The following FAM216A variants were observed in gnomAD, a reference collection of about 807,000 sequenced individuals.
The protein encoded by FAM216A is protein FAM216A.
Under a neutral mutation model 37.6 loss-of-function variants are expected in FAM216A, and 26 were observed. The ratio of observed to expected loss-of-function variants is 0.69; its 90% confidence interval spans 0.51 to 0.96. The LOEUF (loss-of-function observed/expected upper bound fraction) is 0.96. Ranked by LOEUF, FAM216A falls within the 40% of genes least tolerant of loss-of-function variation. The pLI is 0.00. For synonymous variants in FAM216A, 110 were observed against 121.7 expected, an observed-to-expected ratio of 0.90 and a Z score of 0.64; for missense variants, 326 against 339.3, an observed-to-expected ratio of 0.96 and a Z score of 0.31.
chr12:110,472,034 C>A lies in FAM216A; in HGVS notation c.144-1044C>A, dbSNP rs186560461. On this transcript the variant is annotated intron_variant, in intron 1 of 6. Transcript: ENST00000377673. ...ATCAGTTGAGGTCAGGAGTTTGAGA[C>A]CGGCCTGGCCAACATGGCGAAACCT... Among the ~76,000 whole-genome samples, 1,041 of 151,970 alleles carry A rather than the reference C, an allele frequency of 6.9e-3. 1 individual carries two copies. The highest frequency in any genetic ancestry group is 9.4e-3 in the Non-Finnish European group (636 of 67,946).
Position 110,485,201 on chromosome 12 carries a change from T to A in FAM216A, c.306+2T>A, listed in dbSNP as rs1234023879. The A allele has an allele frequency of 4.4e-6, 7 of 1,603,646 alleles. No homozygotes were observed. The highest frequency in any genetic ancestry group is 5.9e-6 in the Non-Finnish European group (7 of 1,177,230). ...ATGATGGAGGCGTCCTTTTTCAAGG[T>A]ATGCTAACAGGGACATATTTAAATA... On this transcript the variant is annotated splice_donor_variant, in intron 3 of 6. Coordinates refer to ENST00000377673, the MANE Select transcript of FAM216A (RefSeq NM_013300.3). LOFTEE classifies it high-confidence loss of function.
chr12:110,470,569 C>T (rs2062680412), intron 1 of FAM216A, among the ~76,000 whole-genome samples: 1 of 151,750 alleles, frequency 6.6e-6, no homozygotes, highest in African/African-American at 2.4e-5. Context: ...CCTCCGCCTC[C>T]TGTGTTCAAG....
chr12:110,471,819 A>G (rs1356579678), intron 1 of FAM216A, among the ~76,000 whole-genome samples: 1 of 152,226 alleles, frequency 6.6e-6, no homozygotes, highest in Non-Finnish European at 1.5e-5. Flanking sequence ...CATTGAATAA[A>G]TTGCAGGATG....
intron 1 of FAM216A, among the ~76,000 whole-genome samples, chr12:110,469,741 C>A (rs539633873): frequency 6.6e-6 from 1 of 152,076 alleles, no homozygotes; most frequent in African/African-American, 2.4e-5. Flanking sequence ...AACCCCTGAC[C>A]TCAAGTGAGC....
At chr12:110,486,932 ATTGT>A (rs2062780777) in intron 5 of FAM216A, 6 of 510,004 alleles carry the variant, frequency 1.2e-5, no homozygotes, top group Admixed American at 3.6e-5. Context: ...GTTAAAAAAA[ATTGT>A]TTGTACAGAA....
At chr12:110,487,526 A>G in intron 5 of FAM216A, 1 of 213,260 alleles carries the variant, frequency 4.7e-6, no homozygotes, top group Non-Finnish European at 9.2e-6. Flanking sequence ...AAATTTCTTT[A>G]TCAGATAGAG....
At chr12:110,486,008 G>A (rs573602424) in intron 3 of FAM216A, among the ~76,000 whole-genome samples, 1 of 152,286 alleles carries the variant, frequency 6.6e-6, no homozygotes, top group East Asian at 1.9e-4. Context: ...TTTTGAGAAG[G>A]CAAGATGCCC....
chr12:110,481,389 G>A (rs981750736), intron 2 of FAM216A, among the ~76,000 whole-genome samples: 1 of 152,176 alleles, frequency 6.6e-6, no homozygotes, highest in Non-Finnish European at 1.5e-5. Flanking sequence ...CTGTCACCCA[G>A]GCTGGAGTGC....
At chr12:110,479,571 G>A (rs930441984) in intron 2 of FAM216A, among the ~76,000 whole-genome samples, 1 of 151,900 alleles carries the variant, frequency 6.6e-6, no homozygotes, top group Non-Finnish European at 1.5e-5. Flanking sequence ...GGGCGCAGTG[G>A]CTCACGCCTG....
chr12:110,486,525 G>A lies in FAM216A; in HGVS notation c.437-9G>A, dbSNP rs751023801. The A allele has an allele frequency of 6.2e-7, 1 of 1,610,450 alleles. No individual in the cohort carries two copies. The highest frequency in any genetic ancestry group is 1.3e-5 in the African/African-American group (1 of 74,816). Reference sequence around the variant, plus strand: ...GAGAGGGTCTTTTAACAGGTGATTTGTATCACAGGTGTCCTCACTCATCAC... The same window carrying A: ...GAGAGGGTCTTTTAACAGGTGATTTATATCACAGGTGTCCTCACTCATCAC... On this transcript the variant is annotated splice_polypyrimidine_tract_variant and intron_variant, in intron 4 of 6. Transcript: ENST00000377673.
At chr12:110,479,014 C>A (rs1232336925) in intron 2 of FAM216A, among the ~76,000 whole-genome samples, 1 of 151,946 alleles carries the variant, frequency 6.6e-6, no homozygotes, top group Non-Finnish European at 1.5e-5. Flanking sequence ...CGGTGAAACC[C>A]CCGTCTCTAC....
chr12:110,479,116 G>A (rs886083660), intron 2 of FAM216A, among the ~76,000 whole-genome samples: 1 of 151,478 alleles, frequency 6.6e-6, no homozygotes, highest in African/African-American at 2.4e-5. Flanking sequence ...GTGAACCTGG[G>A]AGGCGGAGCT....
chr12:110,470,154 A>C (rs2062674915), intron 1 of FAM216A, among the ~76,000 whole-genome samples: 1 of 148,182 alleles, frequency 6.7e-6, no homozygotes. Flanking sequence ...GCTGGAGTGC[A>C]GTGGTGCCAT....
chr12:110,486,137 G>A (rs1452586914), intron 3 of FAM216A, among the ~76,000 whole-genome samples, 188 bp from the exon 4 acceptor site: 1 of 152,196 alleles, frequency 6.6e-6, no homozygotes, highest in Non-Finnish European at 1.5e-5. Context: ...CGAGTGGAAT[G>A]GCAAGCAGAG....
intron 3 of FAM216A, 170 bp from the exon 4 acceptor site, chr12:110,486,155 C>A (rs2062775451): frequency 1.6e-6 from 1 of 628,836 alleles, no homozygotes; most frequent in Non-Finnish European, 2.6e-6. Flanking sequence ...GAGCCACTTG[C>A]ACTGTTTAAT....
intron 2 of FAM216A, among the ~76,000 whole-genome samples, chr12:110,477,302 A>G (rs2062719617): frequency 6.6e-6 from 1 of 152,184 alleles, no homozygotes; most frequent in African/African-American, 2.4e-5. Flanking sequence ...GACTTTGTAT[A>G]TAGCCTATTA....
chr12:110,487,938 A>T lies in FAM216A; in HGVS notation c.698A>T (p.Gln233Leu), dbSNP rs566470110. 6.3e-7 allele frequency: 1 copy of T among 1,586,198 alleles called. No homozygotes were observed. The highest frequency in any genetic ancestry group is 8.6e-7 in the Non-Finnish European group (1 of 1,158,014). ...IFRRPRKLFM[Q>L]TVSSDDSESH... ...AGAAGACCAAGGAAACTGTTCATGC[A>T]AACAGGTAAATGTGGAAATTTAACA... Residue 233 changes from glutamine (Q) to leucine (L), a missense_variant, in exon 6 of 7, where the codon CAA (glutamine) becomes CTA (leucine). Coordinates refer to ENST00000377673, the MANE Select transcript of FAM216A (RefSeq NM_013300.3).
At chr12:110,487,802 A>G (rs1432354671) in intron 5 of FAM216A, 59 bp from the exon 6 acceptor site, 5 of 1,015,624 alleles carry the variant, frequency 4.9e-6, no homozygotes, top group Non-Finnish European at 7.7e-6. Context: ...GGTCTTCCAC[A>G]TGCCCTAGGC....
chr12:110,468,440 C>T (rs1489578759), upstream of FAM216A: 3 of 1,535,036 alleles, frequency 2.0e-6, no homozygotes, highest in East Asian at 4.9e-5. Context: ...TGATGGAAAT[C>T]GGCCGTTGGG....
Sources: gnomAD v4.1 joint callset for allele counts (sites outside exome capture counted in the v4.1 genomes callset) on GRCh38, gnomAD v4.1.1 for gene constraint, MANE v1.5 for transcripts, NCBI Gene and HGNC (gene_info 2026-07-23, HGNC 2026-07-21) for gene names.